The following FYN variants were observed in gnomAD, a reference collection of about 807,000 sequenced individuals.
FYN encodes the protein tyrosine-protein kinase Fyn.
FYN carries 10 observed loss-of-function variants against 70.2 expected under a neutral mutation model. That is an observed-to-expected ratio of 0.14 (90% CI 0.09 to 0.24). FYN has a LOEUF of 0.24. Among genes scored for constraint, FYN ranks in the 10% least tolerant of loss-of-function variants. FYN has a pLI of 1.00. For synonymous variants in FYN, 236 were observed against 248.6 expected, an observed-to-expected ratio of 0.95 and a Z score of 0.48; for missense variants, 319 against 673.1, an observed-to-expected ratio of 0.47 and a Z score of 5.82.
chr6:111,738,383 T>C (rs1468843697), intron 3 of FYN, among the ~76,000 whole-genome samples: 1 of 152,226 alleles, frequency 6.6e-6, no homozygotes, highest in Non-Finnish European at 1.5e-5. Context: ...GGTCTTGGAC[T>C]GAAGGCTTAC....
intron 3 of FYN, among the ~76,000 whole-genome samples, chr6:111,749,975 T>C (rs1562504273): frequency 6.6e-6 from 1 of 152,072 alleles, no homozygotes; most frequent in Non-Finnish European, 1.5e-5. Flanking sequence ...CCCACATCTG[T>C]AGAATTTCCC....
At position 111,787,142 on chromosome 6, in the gene FYN, T is replaced by C. The variant is rs530446055; in HGVS notation, c.-81-6507A>G. Among the ~76,000 whole-genome samples, 3 of 152,372 alleles carry C rather than the reference T, an allele frequency of 2.0e-5. No individual in the cohort carries two copies. In the East Asian group the frequency reaches 5.8e-4, roughly 29 times the overall value. ...GTTTTAGACATGAAGTCCTCGCTCA[T>C]GCCTATGTCCTGAATGGTATTGCCT... On this transcript the variant is annotated intron_variant, in intron 2 of 13. Transcript: ENST00000354650.
At chr6:111,699,590 C>T in intron 9 of FYN, 1 of 1,614,204 alleles carries the variant, frequency 6.2e-7, no homozygotes, top group Non-Finnish European at 8.5e-7. Context: ...ACTTCCCAAG[C>T]ATCTTTAGCC....
chr6:111,709,212 C>A (rs1800252544), intron 5 of FYN: 1 of 151,976 alleles, frequency 6.6e-6, no homozygotes, highest in African/African-American at 2.4e-5. Context: ...GTTCTTTTGG[C>A]TGAGTTCTGT....
intron 1 of FYN, among the ~76,000 whole-genome samples, chr6:111,862,890 C>T (rs1009211397): frequency 3.3e-5 from 5 of 152,026 alleles, no homozygotes; most frequent in African/African-American, 1.2e-4. Context: ...AAGGGAAGGA[C>T]GGGGGATTCC....
intron 12 of FYN, among the ~76,000 whole-genome samples, chr6:111,686,440 C>G (rs765641788): frequency 5.9e-5 from 9 of 152,058 alleles, no homozygotes; most frequent in Non-Finnish European, 1.3e-4. Context: ...GGGTCTCTCC[C>G]TAGACAGCCC....
At chr6:111,843,427 A>G (rs1025389624) in intron 2 of FYN, among the ~76,000 whole-genome samples, 6 of 152,208 alleles carry the variant, frequency 3.9e-5, no homozygotes, top group Admixed American at 2.6e-4. Flanking sequence ...TTATACACTT[A>G]AAGCAATGAT....
At chr6:111,819,518 G>A (rs978827904) in intron 2 of FYN, among the ~76,000 whole-genome samples, 2 of 151,958 alleles carry the variant, frequency 1.3e-5, no homozygotes, top group African/African-American at 4.8e-5. Context: ...CTCTGAACCT[G>A]TCTTTAAAAC....
intron 5 of FYN, among the ~76,000 whole-genome samples, chr6:111,711,367 T>C (rs1031365092): frequency 2.0e-5 from 3 of 152,164 alleles, no homozygotes; most frequent in South Asian, 2.1e-4. Flanking sequence ...TGTTCGTAGA[T>C]GGTAAACGAC....
chr6:111,844,952 G>C (rs62413723), intron 2 of FYN: 4 of 152,234 alleles, frequency 2.6e-5, no homozygotes, highest in African/African-American at 9.6e-5. Context: ...AATGAAACTT[G>C]GGGAGGAGAA....
At chr6:111,795,053 TG>T (rs1198967686) in intron 2 of FYN, among the ~76,000 whole-genome samples, 3 of 152,178 alleles carry the variant, frequency 2.0e-5, no homozygotes, top group African/African-American at 7.2e-5. Context: ...AAATTTAACT[TG>T]GTTGATTCTG....
At chr6:111,863,492 C>T (rs1202056394) in intron 1 of FYN, among the ~76,000 whole-genome samples, 1 of 152,118 alleles carries the variant, frequency 6.6e-6, no homozygotes, top group East Asian at 1.9e-4. Flanking sequence ...CAGGATTTCA[C>T]AGAAATACAG....
At chr6:111,850,541 G>A (rs1196573619) in intron 1 of FYN, among the ~76,000 whole-genome samples, 1 of 152,222 alleles carries the variant, frequency 6.6e-6, no homozygotes, top group Non-Finnish European at 1.5e-5. Flanking sequence ...TATCGAGCGT[G>A]TCCACAGGGA....
At chr6:111,754,875 C>G (rs1179369110) in intron 3 of FYN, among the ~76,000 whole-genome samples, 1 of 151,450 alleles carries the variant, frequency 6.6e-6, no homozygotes, top group Non-Finnish European at 1.5e-5. Flanking sequence ...AACTTGTTAA[C>G]AGTAATACGA....
intron 9 of FYN, among the ~76,000 whole-genome samples, chr6:111,698,806 C>T (rs1245066311): frequency 6.6e-6 from 1 of 152,086 alleles, no homozygotes; most frequent in Non-Finnish European, 1.5e-5. Flanking sequence ...TCATTCCAGC[C>T]GGGCGTGGTG....
At chr6:111,832,110 A>G (rs1773035029) in intron 2 of FYN, among the ~76,000 whole-genome samples, 1 of 152,208 alleles carries the variant, frequency 6.6e-6, no homozygotes, top group African/African-American at 2.4e-5. Context: ...ATGATGGTAA[A>G]CAACAATTAT....
chr6:111,863,593 AT>A (rs776340350), intron 1 of FYN, among the ~76,000 whole-genome samples: 19 of 152,134 alleles, frequency 1.2e-4, no homozygotes, highest in Non-Finnish European at 2.2e-4. Flanking sequence ...CTCATTTTTA[AT>A]TTTCCATTAA....
intron 4 of FYN, among the ~76,000 whole-genome samples, chr6:111,717,625 C>T (rs769460930): frequency 1.3e-5 from 2 of 152,158 alleles, no homozygotes; most frequent in Non-Finnish European, 2.9e-5. Flanking sequence ...CCACGCCTGG[C>T]TAATTTTTTG....
chr6:111,858,559 G>A (rs1046717970), intron 1 of FYN, among the ~76,000 whole-genome samples: 1 of 152,120 alleles, frequency 6.6e-6, no homozygotes, highest in Admixed American at 6.5e-5. Context: ...AACAAAGCCT[G>A]TCTCTTTTAA....
Sources: gnomAD v4.1 joint callset for allele counts (sites outside exome capture counted in the v4.1 genomes callset) on GRCh38, gnomAD v4.1.1 for gene constraint, MANE v1.5 for transcripts, NCBI Gene and HGNC (gene_info 2026-07-23, HGNC 2026-07-21) for gene names.